The following API5 variants were observed in gnomAD, a reference collection of about 807,000 sequenced individuals.
API5 encodes FIF.
Under a neutral mutation model 71.9 loss-of-function variants are expected in API5, and 6 were observed. The ratio of observed to expected loss-of-function variants is 0.08; its 90% CI spans 0.05 to 0.16. API5 has a LOEUF of 0.16. Among genes scored for constraint, API5 ranks in the 10% least tolerant of loss-of-function variants. The probability of loss-of-function intolerance (pLI) is 1.00; values close to 1 mark genes in which losing one functional copy is unlikely to be tolerated. For missense variants in API5, 332 were observed against 612.8 expected, an observed-to-expected ratio of 0.54 and a Z score of 4.84; for synonymous variants, 189 against 221.3, an observed-to-expected ratio of 0.85 and a Z score of 1.30.
rs1338878086 is a variant in API5 at position 43,343,012 on chromosome 11, C to T, written c.*502C>T. On this transcript the variant is annotated 3_prime_UTR_variant, in exon 14 of 14. Transcript: ENST00000531273. The stretch of plus-strand genomic sequence containing the variant: ...GCATTCCTACCTAGTGTCATAAAAG[C>T]AAAATACTTACATAGCTTTCTTAAA... 5.5e-6 allele frequency: 1 copy of T among 182,002 alleles called. No individual in the cohort carries two copies. The highest frequency in any genetic ancestry group is 2.3e-5 in the African/African-American group (1 of 42,662). The allele number at this position is 182,002 out of a possible 1,614,324, so 11.3% of individuals were successfully genotyped here. A position where few individuals can be genotyped will look rare whatever the true frequency, so the allele number is the denominator to read the frequency against.
chr11:43,324,067 G>T (rs1854987049), intron 6 of API5, among the ~76,000 whole-genome samples: 1 of 152,044 alleles, frequency 6.6e-6, no homozygotes, highest in African/African-American at 2.4e-5. Flanking sequence ...ACTCATGCTG[G>T]AGTGCAGTGG....
At chr11:43,313,310 G>A (rs990262900) in intron 1 of API5, among the ~76,000 whole-genome samples, 7 of 152,112 alleles carry the variant, frequency 4.6e-5, no homozygotes, top group African/African-American at 1.7e-4. Flanking sequence ...TTTGTTCCCT[G>A]TATGAGTTTT....
intron 13 of API5, among the ~76,000 whole-genome samples, chr11:43,336,791 G>A (rs1182073877): frequency 1.3e-5 from 2 of 151,650 alleles, no homozygotes; most frequent in Non-Finnish European, 2.9e-5. Context: ...GGCGGATCAC[G>A]AGGTCAGGAG....
intron 13 of API5, 38 bp from the exon 14 acceptor site, chr11:43,342,390 C>T (rs758606001): frequency 6.5e-7 from 1 of 1,534,910 alleles, no homozygotes; most frequent in Non-Finnish European, 8.8e-7. Context: ...ACCATGAAAT[C>T]CTAAGCAAGA....
Position 43,343,393 on chromosome 11 carries a change from T to C in API5, c.*883T>C, listed in dbSNP as rs1855686597. 6.6e-6 allele frequency: 1 copy of C among 152,474 alleles called. No individual in the cohort carries two copies. Among genetic ancestry groups the C allele is most frequent in the African/African-American group, 2.4e-5 (1 of 41,448 alleles). 9.4% of individuals were successfully genotyped at this position (152,474 alleles called of 1,614,324 possible). ...TAAGTTAGTTGCACTTACATGATTATTGTTATTTAAAACTAAGAATAAAGG... is the reference window on the plus strand; with the variant it reads ...TAAGTTAGTTGCACTTACATGATTACTGTTATTTAAAACTAAGAATAAAGG... On this transcript the variant is annotated 3_prime_UTR_variant, in exon 14 of 14. Coordinates refer to ENST00000531273, the MANE Select transcript of API5 (RefSeq NM_001142930.2).
intron 7 of API5, 72 bp from the exon 8 acceptor site, chr11:43,327,717 T>C (rs2134362882): frequency 9.5e-7 from 1 of 1,057,904 alleles, no homozygotes; most frequent in Non-Finnish European, 1.4e-6. Flanking sequence ...CTTAAATCGT[T>C]ATCTAGAATT....
At chr11:43,312,405 C>T (rs1359185543) in intron 1 of API5, among the ~76,000 whole-genome samples, 2 of 152,186 alleles carry the variant, frequency 1.3e-5, no homozygotes, top group Non-Finnish European at 2.9e-5. Context: ...GGGTTCCAGG[C>T]TTCCTTGCCT....
intron 13 of API5, chr11:43,336,293 G>A: frequency 2.5e-6 from 1 of 399,056 alleles, no homozygotes; most frequent in Non-Finnish European, 4.4e-6. Context: ...TTCTTTCCAT[G>A]CTTTCCCAGT....
intron 12 of API5, 110 bp downstream of exon 12, chr11:43,335,464 ATGAC>A (rs1855401777): frequency 1.5e-6 from 1 of 669,190 alleles, no homozygotes; most frequent in African/African-American, 1.8e-5. Context: ...ATGTTTAAAT[ATGAC>A]TATTAGAAAT....
intron 13 of API5, among the ~76,000 whole-genome samples, chr11:43,336,987 G>C (rs566152083): frequency 1.6e-5 from 2 of 127,864 alleles, no homozygotes; most frequent in East Asian, 4.6e-4. Flanking sequence ...CAGCCTAGGC[G>C]ACAGAGCAAG....
At chr11:43,323,881 T>C (rs535053882) in intron 6 of API5, among the ~76,000 whole-genome samples, 1 of 152,202 alleles carries the variant, frequency 6.6e-6, no homozygotes, top group Non-Finnish European at 1.5e-5. Context: ...GAGCATCACA[T>C]TGGTGCTCAA....
intron 11 of API5, 108 bp downstream of exon 11, chr11:43,330,672 T>G (rs909066958): frequency 2.4e-6 from 2 of 839,874 alleles, no homozygotes; most frequent in Non-Finnish European, 1.9e-6. Context: ...GCATGCAAAC[T>G]TCTTCTGGCT....
At chr11:43,321,910 A>G (rs1023098133) in intron 4 of API5, 75 bp from the exon 5 acceptor site, 35 of 1,392,410 alleles carry the variant, frequency 2.5e-5, no homozygotes, top group Admixed American at 4.7e-5. Context: ...AAGAAATACT[A>G]TAAATTGAGT....
In API5 at chr11:43,335,270, C is replaced by T. The variant is rs779801732; in HGVS notation, c.1279-8C>T. ...ATTAGAATTCTTGCCTGATTTCTGT[C>T]TCTGCAGGATCTCTTCCACATTCCT... On this transcript the variant is annotated splice_region_variant and splice_polypyrimidine_tract_variant and intron_variant, in intron 11 of 13. Coordinates refer to ENST00000531273, the MANE Select transcript of API5 (RefSeq NM_001142930.2). 2.5e-6 allele frequency: 4 copies of T among 1,594,502 alleles called. No homozygotes were observed. The South Asian group carries it at 4.4e-5, about 18-fold the overall frequency.
chr11:43,319,187 C>A (rs1044612343), intron 2 of API5, among the ~76,000 whole-genome samples: 7 of 151,732 alleles, frequency 4.6e-5, no homozygotes, highest in South Asian at 2.1e-4. Context: ...GTTTCACTAC[C>A]CTTATATATT....
rs569287991 is a variant in API5, at chr11:43,318,470, C to A, written c.70-170C>A. Reference sequence around the variant, plus strand: ...AAATGAAACAAAGATGGAGGGAGAACGGAATTGGGAAGGTAAGTGTCAGTT... The same window carrying A: ...AAATGAAACAAAGATGGAGGGAGAAAGGAATTGGGAAGGTAAGTGTCAGTT... On this transcript the variant is annotated intron_variant, in intron 1 of 13. Transcript: ENST00000531273. The A allele has an allele frequency of 3.9e-6, 6 of 1,535,780 alleles. No homozygotes were observed. The East Asian group carries it at 1.2e-4, about 31-fold the overall frequency.
chr11:43,333,321 AG>A (rs1280606098), intron 11 of API5, among the ~76,000 whole-genome samples: 2 of 152,332 alleles, frequency 1.3e-5, no homozygotes, highest in East Asian at 3.9e-4. Context: ...TAAAAGTCTC[AG>A]GGTCCAATTA....
intron 1 of API5, among the ~76,000 whole-genome samples, chr11:43,313,257 G>A (rs1355258682): frequency 2.6e-5 from 4 of 152,146 alleles, no homozygotes; most frequent in African/African-American, 9.7e-5. Context: ...GCTTGCCCCC[G>A]ATACACAGTT....
Position 43,323,504 on chromosome 11 carries a change from A to G in API5, c.618A>G (p.Thr206=). 6.2e-7 allele frequency: 1 copy of G among 1,614,206 alleles called. No homozygotes were observed. The highest frequency in any genetic ancestry group is 8.5e-7 in the Non-Finnish European group (1 of 1,180,026). The change falls in exon 6 of 14, where the codon ACA becomes ACG. Residue 206 remains threonine, a synonymous_variant. Coordinates refer to ENST00000531273, the MANE Select transcript of API5 (RefSeq NM_001142930.2). Reference sequence around the variant, plus strand: ...TGTCTGGGTTAAAAAGCTTACAGACAGTGAGTGGAAGACAGCAACTTGTAG... The same window carrying G: ...TGTCTGGGTTAAAAAGCTTACAGACGGTGAGTGGAAGACAGCAACTTGTAG... ...KILSGLKSLQ[T]VSGRQQLVEL...
Sources: gnomAD v4.1 joint callset for allele counts (sites outside exome capture counted in the v4.1 genomes callset) on GRCh38, gnomAD v4.1.1 for gene constraint, MANE v1.5 for transcripts, NCBI Gene and HGNC (gene_info 2026-07-23, HGNC 2026-07-21) for gene names.